Variants in AGAP2 observed in about 807,000 individuals in gnomAD.
The protein encoded by AGAP2 is arf-GAP with GTPase, ANK repeat and PH domain-containing protein 2.
Under a neutral mutation model 110.9 loss-of-function variants are expected in AGAP2, and 32 were observed. The ratio of observed to expected loss-of-function variants is 0.29; its 90% CI spans 0.22 to 0.39. The LOEUF is 0.39. Among genes scored for constraint, AGAP2 ranks in the 10% least tolerant of loss-of-function variants. The pLI, the probability that AGAP2 is intolerant of heterozygous loss-of-function variation, is 1.00. For synonymous variants in AGAP2, 702 were observed against 713.0 expected (o/e 0.98, Z 0.25); for missense variants, 1,285 against 1,638.5 (o/e 0.78, Z 3.72).
Position 57,731,886 on chromosome 12 carries a change from C to G in AGAP2, c.1876G>C (p.Glu626Gln). The change falls in exon 8 of 19, where the codon GAG becomes CAG. Residue 626 changes from glutamate (E) to glutamine (Q), a missense_variant. Transcript: ENST00000547588. ...CTCAATCCAGCCACTGCAGCTGCCT[C>G]GGCTCGGAGCTCCCGGTGACCAACA... ...PNVGHRELRAEAAAVAGLSTP... is the reference protein window; with the variant it reads ...PNVGHRELRAQAAAVAGLSTP... 1 of 1,611,558 alleles carries G rather than the reference C, an allele frequency of 6.2e-7. No individual in the cohort carries two copies. Among genetic ancestry groups the G allele is most frequent in the Non-Finnish European group, 8.5e-7 (1 of 1,179,048 alleles).
chr12:57,726,258 C>A lies in AGAP2; in HGVS notation c.*294G>T. On this transcript the variant is annotated 3_prime_UTR_variant, in exon 19 of 19. Coordinates refer to ENST00000547588, the MANE Select transcript of AGAP2 (RefSeq NM_001122772.3). This position sits in a 1 kb window ranked among gnomAD's most constrained non-coding sequence, Gnocchi z 5.7. ...ATGTCCAAGCGCCTAGGAGCCCGTA[C>A]CGCTGGGGACCTCCCCTTCCGCGAA... is the stretch of plus-strand genomic sequence containing the variant. 4.9e-6 allele frequency: 1 copy of A among 203,570 alleles called. No homozygotes were observed. Among genetic ancestry groups the A allele is most frequent in the Non-Finnish European group, 9.9e-6 (1 of 100,864 alleles). 12.6% of individuals were successfully genotyped at this position (203,570 alleles called of 1,614,324 possible). A position where few individuals can be genotyped will look rare whatever the true frequency, so the allele number is the denominator to read the frequency against.
chr12:57,735,350 AG>A lies in AGAP2; in HGVS notation c.1227+18del, dbSNP rs1427949097. On this transcript the variant is annotated intron_variant, in intron 2 of 18. Transcript: ENST00000547588. ...GGGAGGTCAGCCTTCCCTATAGGCA[AG>A]GGGACTGGGTTACCTACCAGGCGCA... 6.2e-7 allele frequency: 1 copy of A among 1,613,320 alleles called. No homozygotes were observed. The highest frequency in any genetic ancestry group is 2.2e-5 in the East Asian group (1 of 44,880).
At chr12:57,736,978 A>C in intron 1 of AGAP2, 101 bp downstream of exon 1, 11 of 1,439,908 alleles carry the variant, frequency 7.6e-6, no homozygotes, top group Non-Finnish European at 9.1e-6. Context: ...CGCCCACCCC[A>C]GAGAAAAGCT....
Position 57,737,277 on chromosome 12 carries a change from G to C in AGAP2, c.970C>G (p.Pro324Ala), listed in dbSNP as rs774365995. 4.3e-6 allele frequency: 7 copies of C among 1,613,344 alleles called. No homozygotes were observed. Among genetic ancestry groups the C allele is most frequent in the South Asian group, 2.2e-5 (2 of 91,072 alleles). Residue 324 changes from proline (P) to alanine (A), a missense_variant, in exon 1 of 19, where the codon CCA (proline) becomes GCA (alanine). By Grantham distance (27) the Pro-to-Ala change is conservative (BLOSUM62 -1). This residue lies in a region of AGAP2 where 844 missense variants were observed against 941.2 expected (regional missense o/e 0.90). Coordinates refer to ENST00000547588, the MANE Select transcript of AGAP2 (RefSeq NM_001122772.3). The surrounding 1 kb of genome is among the most constrained non-coding windows in gnomAD (Gnocchi z 5.9). ...GPAPPITLEPPAPGLKRGREG... is the reference protein window; with the variant it reads ...GPAPPITLEPAAPGLKRGREG... ...CGGCCCCGTTTCAGCCCCGGAGCTG[G>C]AGGCTCCAGAGTGATTGGAGGTGCA...
chr12:57,733,922 T>C (rs1954930368), intron 5 of AGAP2, 104 bp downstream of exon 5: 1 of 1,340,418 alleles, frequency 7.5e-7, no homozygotes. Context: ...ATAATCCAAG[T>C]GGCCATTTCC....
chr12:57,735,516 C>T, intron 1 of AGAP2, 89 bp from the exon 2 acceptor site: 1 of 1,259,372 alleles, frequency 7.9e-7, no homozygotes, highest in Non-Finnish European at 1.1e-6. Flanking sequence ...CTGCAGCTTT[C>T]CAACCCCCCC....
Position 57,737,452 on chromosome 12 carries a change from C to G in AGAP2, c.795G>C (p.Lys265Asn). ...TACTCTTGCCTTTCCGAGGGGACAACTTCCCTCGGGCTCCAGCCCCAGCCC... is the reference window on the plus strand; with the variant it reads ...TACTCTTGCCTTTCCGAGGGGACAAGTTCCCTCGGGCTCCAGCCCCAGCCC... ...GVGAGAGARG[K>N]LSPRKGKSKT... The change falls in exon 1 of 19, where the codon AAG becomes AAC. Residue 265 changes from lysine to asparagine, a missense_variant. Physicochemically the swap from Lys to Asn is moderately conservative, Grantham distance 94. This residue lies in a region of AGAP2 where 844 missense variants were observed against 941.2 expected (regional missense o/e 0.90). Transcript: ENST00000547588. The surrounding 1 kb of genome is among the most constrained non-coding windows in gnomAD (Gnocchi z 5.9). The G allele has an allele frequency of 6.2e-7, 1 of 1,613,128 alleles. No individual in the cohort carries two copies. Among genetic ancestry groups the G allele is most frequent in the Non-Finnish European group, 8.5e-7 (1 of 1,179,644 alleles).
Position 57,732,998 on chromosome 12 carries a change from G to C in AGAP2, c.1550-19C>G. 6.2e-7 allele frequency: 1 copy of C among 1,613,644 alleles called. No individual in the cohort carries two copies. Among genetic ancestry groups the C allele is most frequent in the African/African-American group, 1.3e-5 (1 of 75,046 alleles). ...ATCCTGTCTGAGGGGACAGGAAAGG[G>C]GCAGGATTGAACAAGGAGCCCCACC... On this transcript the variant is annotated intron_variant, in intron 5 of 18. Transcript: ENST00000547588.
Position 57,725,626 on chromosome 12 carries a change from T to A in AGAP2, c.*926A>T, listed in dbSNP as rs529922641. On this transcript the variant is annotated 3_prime_UTR_variant, in exon 19 of 19. Transcript: ENST00000547588. ...CTGTAGGGGTGCCCCCTACCCCAGA[T>A]CACCACGGGCGCTGCACAGTCACAG... 6.6e-6 allele frequency: 1 copy of A among 152,046 alleles called. No homozygotes were observed. Among genetic ancestry groups the A allele is most frequent in the African/African-American group, 2.4e-5 (1 of 41,336 alleles). The allele number at this position is 152,046 out of a possible 1,614,324, so 9.4% of individuals were successfully genotyped here.
intron 15 of AGAP2, 60 bp from the exon 16 acceptor site, chr12:57,727,831 C>A: frequency 6.3e-7 from 1 of 1,582,648 alleles, no homozygotes. Flanking sequence ...CCTTCTCAGA[C>A]ACCTCTGCTC....
intron 2 of AGAP2, 100 bp from the exon 3 acceptor site, chr12:57,734,779 G>GC: frequency 9.3e-7 from 1 of 1,072,288 alleles, no homozygotes; most frequent in South Asian, 1.3e-5. Context: ...AGTCATCCAA[G>GC]CAGGACCCTA....
rs1249312937 is a variant in AGAP2, at chr12:57,737,803, C to G, written c.444G>C (p.Pro148=). The G allele has an allele frequency of 6.6e-6, 10 of 1,524,356 alleles. No individual in the cohort carries two copies. In the African/African-American group the frequency reaches 8.4e-5, roughly 13 times the overall value. 94.4% of individuals were successfully genotyped at this position (1,524,356 alleles called of 1,614,324 possible). A position where few individuals can be genotyped will look rare whatever the true frequency, so the allele number is the denominator to read the frequency against. ...TSSRRPLLSS[P]SWGGPEPEGR... ...CTTCGGGCTCCGGGCCGCCCCAGCT[C>G]GGGCTGCTGAGCAGGGGGCGCCGGG... The change falls in exon 1 of 19, where the codon CCG becomes CCC. Residue 148 remains proline (P), a synonymous_variant. Transcript: ENST00000547588. This position sits in a 1 kb window ranked among gnomAD's most constrained non-coding sequence, Gnocchi z 5.9.
Position 57,737,538 on chromosome 12 carries a change from C to T in AGAP2, c.709G>A (p.Ala237Thr), listed in dbSNP as rs1421514420. Residue 237 changes from alanine to threonine, a missense_variant, in exon 1 of 19, where the codon GCC (alanine) becomes ACC (threonine). Physicochemically the swap from Ala to Thr is moderately conservative, Grantham distance 58 (BLOSUM62 0). Transcript: ENST00000547588. This position sits in a 1 kb window ranked among gnomAD's most constrained non-coding sequence, Gnocchi z 5.9. ...SAGTGASVSAAATAAAAGGGG... is the reference protein window; with the variant it reads ...SAGTGASVSATATAAAAGGGG... ...CCCCCGGCGGCGGCGGCGGTGGCGGCGGCAGAGACCGAAGCTCCAGTCCCG... is the reference window on the plus strand; with the variant it reads ...CCCCCGGCGGCGGCGGCGGTGGCGGTGGCAGAGACCGAAGCTCCAGTCCCG... 4.5e-6 allele frequency: 7 copies of T among 1,557,230 alleles called. No individual in the cohort carries two copies. Among genetic ancestry groups the T allele is most frequent in the Non-Finnish European group, 6.1e-6 (7 of 1,151,212 alleles).
At chr12:57,732,605 C>G (rs1311691974) in intron 6 of AGAP2, 93 bp from the exon 7 acceptor site, 1 of 1,327,730 alleles carries the variant, frequency 7.5e-7, no homozygotes. Flanking sequence ...GTAGACAACA[C>G]AGGACCCAAC....
intron 8 of AGAP2, 64 bp from the exon 9 acceptor site, chr12:57,731,706 A>C: frequency 6.2e-7 from 1 of 1,605,918 alleles, no homozygotes; most frequent in East Asian, 2.2e-5. Context: ...GACGATAGGG[A>C]AGATAGATGA....
chr12:57,728,174 G>A (rs1954809984), intron 14 of AGAP2, 89 bp from the exon 15 acceptor site: 6 of 1,523,534 alleles, frequency 3.9e-6, no homozygotes, highest in African/African-American at 1.4e-5. Context: ...TGTCCATCCC[G>A]AGCCCCTGGG....
At chr12:57,731,664 G>A (rs767546588) in intron 8 of AGAP2, 22 bp from the exon 9 acceptor site, 9 of 1,613,912 alleles carry the variant, frequency 5.6e-6, no homozygotes, top group Middle Eastern at 1.6e-4. Context: ...ATTGGAATCA[G>A]TTTGAGGATG....
chr12:57,734,866 A>AG (rs1954951773), intron 2 of AGAP2, among the ~76,000 whole-genome samples, 187 bp from the exon 3 acceptor site: 1 of 152,010 alleles, frequency 6.6e-6, no homozygotes, highest in African/African-American at 2.4e-5. Flanking sequence ...AGCAGTTGGG[A>AG]GGATCAGGGC....
Position 57,727,520 on chromosome 12 carries a change from G to A in AGAP2, c.2920C>T (p.Arg974Cys). ...LICIECSGIH[R>C]NLGTHLSRVR... ...CGGGACAGGTGTGTGCCCAGGTTGC[G>A]GTGGATGCCAGAACACTCGATGCAG... Residue 974 changes from arginine (R) to cysteine (C), a missense_variant, in exon 17 of 19, where the codon CGC (arginine) becomes TGC (cysteine). By Grantham distance (180) the Arg-to-Cys change is radical. This residue lies in a region of AGAP2 where 17 missense variants were observed against 56.4 expected (regional missense o/e 0.30). Coordinates refer to ENST00000547588, the MANE Select transcript of AGAP2 (RefSeq NM_001122772.3). The A allele has an allele frequency of 6.2e-7, 1 of 1,612,796 alleles. No homozygotes were observed. The highest frequency in any genetic ancestry group is 8.5e-7 in the Non-Finnish European group (1 of 1,179,780).
Sources: allele counts gnomAD v4.1 joint callset (sites outside exome capture counted in the v4.1 genomes callset), GRCh38; gene constraint gnomAD v4.1.1; regional missense constraint gnomAD v4.1.1; non-coding constraint Gnocchi (gnomAD v3.1); transcripts MANE v1.5; gene names NCBI Gene and HGNC (gene_info 2026-07-23, HGNC 2026-07-21).